ADARB2: variants seen among roughly 807,000 people sequenced by gnomAD.
ADARB2 encodes inactive double-stranded RNA-specific editase B2.
Under a neutral mutation model 62.2 loss-of-function variants are expected in ADARB2, and 25 were observed. The ratio of observed to expected loss-of-function variants is 0.40; its 90% CI spans 0.29 to 0.56. The LOEUF (loss-of-function observed/expected upper bound fraction) is 0.56. ADARB2 is among the 20% of genes least tolerant of loss of function. The pLI is 0.43. For synonymous variants in ADARB2, 572 were observed against 500.8 expected (o/e 1.14, Z -1.90); for missense variants, 1,071 against 1,077.4 (o/e 0.99, Z 0.08).
intron 4 of ADARB2, among the ~76,000 whole-genome samples, chr10:1,267,153 C>CCTT (rs748249540): frequency 1.7e-3 from 253 of 145,492 alleles, no homozygotes; most frequent in Non-Finnish European, 1.9e-3. Context: ...AAAAAAAAAA[C>CCTT]CTTTCCCCCT....
At chr10:1,703,989 T>C (rs535841173) in intron 1 of ADARB2, among the ~76,000 whole-genome samples, 114 of 152,372 alleles carry the variant, frequency 7.5e-4, no homozygotes, top group African/African-American at 2.6e-3. Flanking sequence ...AGTTTGTTTA[T>C]TGGATGCTAC....
intron 3 of ADARB2, among the ~76,000 whole-genome samples, chr10:1,273,536 C>T (rs778575809): frequency 5.9e-5 from 9 of 152,188 alleles, no homozygotes; most frequent in Non-Finnish European, 8.8e-5. Flanking sequence ...TGGTTCTCCC[C>T]TAGAAGGCTG....
chr10:1,669,719 GAC>G (rs1299235410), intron 1 of ADARB2, among the ~76,000 whole-genome samples: 3 of 149,282 alleles, frequency 2.0e-5, no homozygotes, highest in Admixed American at 6.7e-5. Context: ...GACACACCTA[GAC>G]ACACACAGAC....
At chr10:1,342,100 C>A (rs1242681519) in intron 3 of ADARB2, among the ~76,000 whole-genome samples, 1 of 152,230 alleles carries the variant, frequency 6.6e-6, no homozygotes, top group African/African-American at 2.4e-5. Flanking sequence ...GGTTGGCTGG[C>A]AGTGCCCACA....
At chr10:1,494,497 T>C (rs572633149) in intron 1 of ADARB2, among the ~76,000 whole-genome samples, 1 of 152,348 alleles carries the variant, frequency 6.6e-6, no homozygotes, top group South Asian at 2.1e-4. Context: ...TTCTACTTTT[T>C]CAAATCTGTG....
rs1035494228 is a variant in ADARB2, at chr10:1,363,347, C to T, written c.758G>A (p.Arg253Gln). 3.2e-6 allele frequency: 4 copies of T among 1,253,900 alleles called. No homozygotes were observed. Among genetic ancestry groups the T allele is most frequent in the Non-Finnish European group, 4.0e-6 (4 of 999,604 alleles). The allele number at this position is 1,253,900 out of a possible 1,614,324, so 77.7% of individuals were successfully genotyped here. A position where few individuals can be genotyped will look rare whatever the true frequency, so the allele number is the denominator to read the frequency against. Residue 253 changes from arginine (R) to glutamine (Q), a missense_variant, in exon 3 of 10, where the codon CGA (arginine) becomes CAA (glutamine). Coordinates refer to ENST00000381312, the MANE Select transcript of ADARB2 (RefSeq NM_018702.4). ...CAGCGCGCGGCACAGCAGCCGCCGTCGCCCGTAGGCCGCGGACAGAAGCGC... is the reference window on the plus strand; with the variant it reads ...CAGCGCGCGGCACAGCAGCCGCCGTTGCCCGTAGGCCGCGGACAGAAGCGC... ...DAALLSAAYG[R>Q]RRLLCRALDL... is the part of the protein sequence containing the mutation.
intron 1 of ADARB2, among the ~76,000 whole-genome samples, chr10:1,670,670 CT>C (rs1274887774): frequency 6.6e-6 from 1 of 152,230 alleles, no homozygotes; most frequent in African/African-American, 2.4e-5. Context: ...AAGCTCAACG[CT>C]TACTGTCGCT....
chr10:1,452,219 T>G (rs1232819582), intron 1 of ADARB2, among the ~76,000 whole-genome samples: 2 of 152,144 alleles, frequency 1.3e-5, no homozygotes, highest in Non-Finnish European at 2.9e-5. Flanking sequence ...GATGACAGCA[T>G]ACACAGGGAG....
intron 1 of ADARB2, among the ~76,000 whole-genome samples, chr10:1,519,340 G>C (rs1387534414): frequency 8.5e-5 from 13 of 152,198 alleles, no homozygotes; most frequent in Non-Finnish European, 1.8e-4. Context: ...TGTAACATCT[G>C]TACATGGTGT....
chr10:1,235,413 T>G (rs906457550), intron 5 of ADARB2, among the ~76,000 whole-genome samples: 1 of 62,500 alleles, frequency 1.6e-5, no homozygotes, highest in Non-Finnish European at 3.3e-5. Context: ...GCCCCACCTC[T>G]GCCCCATCGG....
intron 1 of ADARB2, among the ~76,000 whole-genome samples, chr10:1,383,681 C>CA (rs1380455442): frequency 3.9e-5 from 6 of 152,354 alleles, no homozygotes; most frequent in African/African-American, 1.2e-4. Flanking sequence ...ACTGCATAGT[C>CA]ACTGGGACAC....
At chr10:1,614,059 G>T (rs1421993112) in intron 1 of ADARB2, among the ~76,000 whole-genome samples, 1 of 152,116 alleles carries the variant, frequency 6.6e-6, no homozygotes, top group Non-Finnish European at 1.5e-5. Flanking sequence ...ATTATACCTT[G>T]AAGTCTAAAT....
intron 3 of ADARB2, among the ~76,000 whole-genome samples, chr10:1,335,823 C>T (rs1831970416): frequency 6.6e-6 from 1 of 152,186 alleles, no homozygotes; most frequent in African/African-American, 2.4e-5. Flanking sequence ...AGCTCACTGC[C>T]AGGCTTATCC....
chr10:1,199,943 GC>G (rs745330372), intron 8 of ADARB2, 22 bp downstream of exon 8: 2 of 1,493,418 alleles, frequency 1.3e-6, no homozygotes, highest in South Asian at 1.4e-5. Flanking sequence ...GAGGTGGAGG[GC>G]CCCCGGGAAG....
intron 2 of ADARB2, among the ~76,000 whole-genome samples, chr10:1,367,777 C>T (rs1336320696): frequency 2.0e-5 from 3 of 152,192 alleles, no homozygotes; most frequent in Non-Finnish European, 4.4e-5. Flanking sequence ...CAGTGGCTGG[C>T]GTTATTGCAT....
At chr10:1,602,540 G>C (rs1833430515) in intron 1 of ADARB2, among the ~76,000 whole-genome samples, 1 of 152,152 alleles carries the variant, frequency 6.6e-6, no homozygotes, top group African/African-American at 2.4e-5. Context: ...TGGAGAAACT[G>C]ACTCCACATT....
At chr10:1,697,826 G>A (rs1025534057) in intron 1 of ADARB2, among the ~76,000 whole-genome samples, 1 of 152,104 alleles carries the variant, frequency 6.6e-6, no homozygotes, top group Admixed American at 6.6e-5. Flanking sequence ...CAAATGCCCC[G>A]ACTCCCTGCA....
At chr10:1,428,927 C>A (rs1830749972) in intron 1 of ADARB2, among the ~76,000 whole-genome samples, 4 of 152,016 alleles carry the variant, frequency 2.6e-5, no homozygotes. Context: ...AACAGGAAAT[C>A]TGAATAAGGT....
chr10:1,258,126 C>T (rs2131787897), intron 4 of ADARB2, among the ~76,000 whole-genome samples: 1 of 152,222 alleles, frequency 6.6e-6, no homozygotes, highest in South Asian at 2.1e-4. Flanking sequence ...CTCTTTTTCT[C>T]TTTCTCTCTC....
Sources: gnomAD v4.1 joint callset for allele counts (sites outside exome capture counted in the v4.1 genomes callset) on GRCh38, gnomAD v4.1.1 for gene constraint, MANE v1.5 for transcripts, NCBI Gene and HGNC (gene_info 2026-07-23, HGNC 2026-07-21) for gene names.